Variants in PALM2AKAP2 observed in about 807,000 individuals in gnomAD.
PALM2AKAP2 encodes the protein PALM2 and AKAP2 fusion.
A neutral mutation model predicts 71.5 loss-of-function variants in PALM2AKAP2; 37 were observed. That is an observed-to-expected ratio of 0.52 (90% CI 0.40 to 0.68). PALM2AKAP2 has a LOEUF of 0.68. Among genes scored for constraint, PALM2AKAP2 ranks in the 30% least tolerant of loss-of-function variants. PALM2AKAP2 has a pLI of 0.00. For missense variants in PALM2AKAP2, 1,224 were observed against 1,191.8 expected, an observed-to-expected ratio of 1.03 and a Z score of -0.40; for synonymous variants, 468 against 478.8, an observed-to-expected ratio of 0.98 and a Z score of 0.29.
chr9:109,987,323 G>T (rs1832397429), intron 6 of PALM2AKAP2, among the ~76,000 whole-genome samples: 1 of 151,968 alleles, frequency 6.6e-6, no homozygotes, highest in South Asian at 2.1e-4. Context: ...TAGAGAGGGG[G>T]TTTCACCATA....
chr9:110,111,251 C>T (rs1027280827), intron 1 of PALM2AKAP2, among the ~76,000 whole-genome samples: 6 of 151,690 alleles, frequency 4.0e-5, no homozygotes, highest in Non-Finnish European at 5.9e-5. Context: ...ACCACCAAAC[C>T]CGGGTATTTC....
intron 5 of PALM2AKAP2, among the ~76,000 whole-genome samples, chr9:109,930,321 G>A (rs532938393): frequency 6.6e-6 from 1 of 152,228 alleles, no homozygotes; most frequent in East Asian, 1.9e-4. Context: ...CGCCTCCTGG[G>A]TTCAAGCGAT....
At chr9:110,159,744 CA>C (rs1402376838) in intron 3 of PALM2AKAP2, among the ~76,000 whole-genome samples, 2 of 152,142 alleles carry the variant, frequency 1.3e-5, no homozygotes, top group African/African-American at 4.8e-5. Flanking sequence ...GAGCCCCCAT[CA>C]GGGGTGTGGT....
chr9:110,051,273 C>T (rs1833704912), intron 1 of PALM2AKAP2, among the ~76,000 whole-genome samples: 1 of 152,184 alleles, frequency 6.6e-6, no homozygotes, highest in South Asian at 2.1e-4. Context: ...ACTCAGTAGC[C>T]TCAGGACCTC....
chr9:109,665,455 G>A (rs1252839668), intron 1 of PALM2AKAP2, among the ~76,000 whole-genome samples: 1 of 152,204 alleles, frequency 6.6e-6, no homozygotes, highest in East Asian at 1.9e-4. Flanking sequence ...TTTAGATGCA[G>A]GTCTGTTGGA....
chr9:109,640,922 T>A (rs1827056998), intron 1 of PALM2AKAP2: 1 of 1,481,446 alleles, frequency 6.8e-7, no homozygotes, highest in Admixed American at 2.3e-5. Flanking sequence ...GTTGCCATGG[T>A]GACCGCGGCG....
At chr9:109,711,166 A>T (rs1310983130) in intron 1 of PALM2AKAP2, among the ~76,000 whole-genome samples, 1 of 151,924 alleles carries the variant, frequency 6.6e-6, no homozygotes, top group Non-Finnish European at 1.5e-5. Context: ...CTTAATTTAA[A>T]AAAAAAATGG....
At chr9:110,085,022 G>C (rs1310324277) in intron 1 of PALM2AKAP2, among the ~76,000 whole-genome samples, 1 of 152,092 alleles carries the variant, frequency 6.6e-6, no homozygotes, top group Admixed American at 6.6e-5. Flanking sequence ...TTACAGGCGT[G>C]AGCCACCGCG....
At chr9:109,816,751 G>C (rs953188250) in intron 1 of PALM2AKAP2, among the ~76,000 whole-genome samples, 1 of 152,170 alleles carries the variant, frequency 6.6e-6, no homozygotes, top group Non-Finnish European at 1.5e-5. Context: ...GATCAGCTGG[G>C]GACAGAGTTA....
chr9:110,003,609 T>G (rs1372349024), intron 6 of PALM2AKAP2, among the ~76,000 whole-genome samples: 2 of 152,026 alleles, frequency 1.3e-5, no homozygotes, highest in East Asian at 3.9e-4. Flanking sequence ...CTCGTTGATC[T>G]GTCTAATGTT....
At chr9:109,840,587 A>G (rs1828630584) in intron 1 of PALM2AKAP2, among the ~76,000 whole-genome samples, 1 of 152,252 alleles carries the variant, frequency 6.6e-6, no homozygotes, top group Admixed American at 6.5e-5. Context: ...GGCAACCTAC[A>G]GAATGGGAGA....
intron 1 of PALM2AKAP2, among the ~76,000 whole-genome samples, chr9:109,728,661 C>T (rs1828510484): frequency 2.6e-5 from 4 of 152,068 alleles, no homozygotes; most frequent in Admixed American, 2.6e-4. Flanking sequence ...TTAATGTTAC[C>T]AGTGAAAATA....
At chr9:109,987,376 A>G (rs1588045897) in intron 6 of PALM2AKAP2, among the ~76,000 whole-genome samples, 1 of 151,920 alleles carries the variant, frequency 6.6e-6, no homozygotes, top group Non-Finnish European at 1.5e-5. Flanking sequence ...TGATTCGCCC[A>G]CCTCAGCCTC....
intron 3 of PALM2AKAP2, among the ~76,000 whole-genome samples, chr9:109,897,643 C>T (rs1830233344): frequency 6.6e-6 from 1 of 152,162 alleles, no homozygotes; most frequent in South Asian, 2.1e-4. Context: ...GACCCAAATG[C>T]TATATTTGCT....
intron 1 of PALM2AKAP2, among the ~76,000 whole-genome samples, chr9:109,810,593 GA>G (rs1200995662): frequency 2.0e-5 from 3 of 152,166 alleles, no homozygotes; most frequent in African/African-American, 7.2e-5. Flanking sequence ...AAGTGAGAAT[GA>G]GATGAGGCAG....
chr9:109,749,632 TA>T (rs1828856485), intron 1 of PALM2AKAP2, among the ~76,000 whole-genome samples: 1 of 152,024 alleles, frequency 6.6e-6, no homozygotes, highest in African/African-American at 2.4e-5. Flanking sequence ...TACTTTATTA[TA>T]AAAGTTAAAA....
chr9:109,985,945 C>T (rs775707440), intron 6 of PALM2AKAP2, among the ~76,000 whole-genome samples: 6 of 152,114 alleles, frequency 3.9e-5, no homozygotes, highest in South Asian at 4.1e-4. Context: ...CCACTGCACC[C>T]GGCCTTTGAG....
intron 3 of PALM2AKAP2, among the ~76,000 whole-genome samples, chr9:109,885,546 C>T (rs1829945635): frequency 6.6e-6 from 1 of 152,084 alleles, no homozygotes; most frequent in South Asian, 2.1e-4. Context: ...AATGAAATCC[C>T]ATTTTAATAC....
intron 7 of PALM2AKAP2, among the ~76,000 whole-genome samples, chr9:110,032,100 TG>T (rs1564269555): frequency 6.6e-6 from 1 of 150,962 alleles, no homozygotes; most frequent in Non-Finnish European, 1.5e-5. Flanking sequence ...TCCTTGAATC[TG>T]GAGAAATTAA....
Sources: gnomAD v4.1 joint callset for allele counts (sites outside exome capture counted in the v4.1 genomes callset) on GRCh38, gnomAD v4.1.1 for gene constraint, MANE v1.5 for transcripts, NCBI Gene and HGNC (gene_info 2026-07-23, HGNC 2026-07-21) for gene names.